The following STAB2 variants were observed in gnomAD, a reference collection of about 807,000 sequenced individuals.
STAB2 encodes the protein stabilin-2.
In STAB2, 288 loss-of-function variants were observed where a neutral mutation model predicts 338.1. That is an observed-to-expected ratio of 0.85 (90% CI 0.77 to 0.94). The LOEUF is 0.94. STAB2 is among the 40% of genes least tolerant of loss of function. STAB2 has a pLI of 0.00. For missense variants in STAB2, 3,141 were observed against 3,210.1 expected (o/e 0.98, Z 0.52); for synonymous variants, 1,202 against 1,193.3 (o/e 1.01, Z -0.15).
chr12:103,660,780 C>T lies in STAB2; in HGVS notation c.1869+17C>T. The T allele has an allele frequency of 6.2e-7, 1 of 1,611,950 alleles. No individual in the cohort carries two copies. The highest frequency in any genetic ancestry group is 1.1e-5 in the South Asian group (1 of 91,028). ...ACCGACAATGTAAGTGAAAACTCAA[C>T]CACCACCAGCATCACTTGAACACAT... On this transcript the variant is annotated intron_variant, in intron 17 of 68. Transcript: ENST00000388887.
At chr12:103,697,467 C>A (rs1289880075) in intron 33 of STAB2, among the ~76,000 whole-genome samples, 1 of 152,188 alleles carries the variant, frequency 6.6e-6, no homozygotes, top group African/African-American at 2.4e-5. Context: ...CTCTGCCTTC[C>A]CAAAAAGTCC....
In STAB2 at chr12:103,662,834, T is replaced by C; in HGVS notation, c.1870-12T>C. On this transcript the variant is annotated splice_polypyrimidine_tract_variant and intron_variant, in intron 17 of 68. Coordinates refer to ENST00000388887, the MANE Select transcript of STAB2 (RefSeq NM_017564.10). ...ATAGTACAGAATTAGAGATGTCATT[T>C]TTTCTTTCCAGGGACAGATTCTGGC... 2 of 1,613,970 alleles carry C rather than the reference T, an allele frequency of 1.2e-6. No individual in the cohort carries two copies. The highest frequency in any genetic ancestry group is 2.2e-5 in the South Asian group (2 of 90,994).
Position 103,703,271 on chromosome 12 carries a change from A to G in STAB2, c.3838A>G (p.Ile1280Val), listed in dbSNP as rs768370022. ...NRCDNNDTTI[I>V]RGRCRTCSSE... ...ATGTGATAATAATGACACTACTATT[A>G]TACGAGTAAGTTCTATGGGCCAGAG... The change falls in exon 35 of 69, where the codon ATA becomes GTA. Residue 1280 changes from isoleucine (I) to valine (V), a missense_variant. Ile to Val is a conservative substitution (Grantham distance 29, BLOSUM62 3). Coordinates refer to ENST00000388887, the MANE Select transcript of STAB2 (RefSeq NM_017564.10). 3.1e-6 allele frequency: 5 copies of G among 1,612,482 alleles called. No individual in the cohort carries two copies. Among genetic ancestry groups the G allele is most frequent in the Admixed American group, 1.7e-5 (1 of 59,966 alleles).
intron 17 of STAB2, among the ~76,000 whole-genome samples, chr12:103,662,037 T>C (rs973322799): frequency 5.3e-5 from 8 of 152,044 alleles, no homozygotes; most frequent in African/African-American, 1.9e-4. Flanking sequence ...GGTGAGGAGA[T>C]TTGATTGCAA....
intron 5 of STAB2, among the ~76,000 whole-genome samples, chr12:103,631,245 T>C (rs1027619491): frequency 4.6e-5 from 7 of 152,212 alleles, no homozygotes; most frequent in Non-Finnish European, 1.0e-4. Context: ...GTAGCTTTTC[T>C]CTTTTAAACG....
rs1044159730 is a variant in STAB2 at position 103,695,577 on chromosome 12, G to T, written c.3403G>T (p.Gly1135Cys). The T allele has an allele frequency of 1.2e-6, 2 of 1,614,024 alleles. No homozygotes were observed. Among genetic ancestry groups the T allele is most frequent in the African/African-American group, 2.7e-5 (2 of 74,910 alleles). ...GCTGGTCCCACAAAGACGTCTAACT[G>T]GCTCCTTACCAAACCTGCTCATGCG... ...KVLVPQRRLT[G>C]SLPNLLMRLE... Residue 1135 changes from glycine to cysteine, a missense_variant, in exon 32 of 69, where the codon GGC becomes TGC. By Grantham distance (159) the Gly-to-Cys change is radical. Coordinates refer to ENST00000388887, the MANE Select transcript of STAB2 (RefSeq NM_017564.10).
intron 48 of STAB2, among the ~76,000 whole-genome samples, chr12:103,729,436 A>C (rs552091098): frequency 7.2e-5 from 11 of 152,304 alleles, no homozygotes; most frequent in African/African-American, 2.4e-4. Flanking sequence ...ATAAGAAATA[A>C]TAATAACATA....
intron 3 of STAB2, among the ~76,000 whole-genome samples, chr12:103,613,105 G>A (rs1957152342): frequency 6.6e-6 from 1 of 152,202 alleles, no homozygotes; most frequent in African/African-American, 2.4e-5. Context: ...CTACTGGGTG[G>A]TGCCTCCCAG....
rs1395520597 is a variant in STAB2, at chr12:103,749,876, G to A, written c.6439-703G>A. On this transcript the variant is annotated intron_variant, in intron 59 of 68. Transcript: ENST00000388887. ...AAAAAAAAAAAAAAAAAAAAAAGCT[G>A]GTAAGATGTGGCAGGAAAAGTGCCG... Among the ~76,000 whole-genome samples, 3 of 109,846 alleles carry A rather than the reference G, an allele frequency of 2.7e-5. No individual in the cohort carries two copies. The East Asian group carries it at 8.4e-4, about 31-fold the overall frequency. 72.1% of individuals were successfully genotyped at this position (109,846 alleles called of 152,430 possible). A position where few individuals can be genotyped will look rare whatever the true frequency, so the allele number is the denominator to read the frequency against.
At chr12:103,612,064 T>A (rs1957132131) in intron 3 of STAB2, among the ~76,000 whole-genome samples, 1 of 152,270 alleles carries the variant, frequency 6.6e-6, no homozygotes, top group South Asian at 2.1e-4. Flanking sequence ...CCACTGTTAG[T>A]CTGATGGGCT....
At chr12:103,712,290 G>A in intron 40 of STAB2, 77 bp from the exon 41 acceptor site, 1 of 1,126,236 alleles carries the variant, frequency 8.9e-7, no homozygotes, top group Admixed American at 1.7e-5. Flanking sequence ...GATACTGAGG[G>A]TGAAGGGCAT....
chr12:103,705,875 T>A, intron 37 of STAB2, 148 bp downstream of exon 37: 2 of 746,428 alleles, frequency 2.7e-6, no homozygotes, highest in Non-Finnish European at 4.6e-6. Flanking sequence ...TCCAATGTAG[T>A]AGTGGTAGCA....
chr12:103,680,501 A>G (rs1165509944), intron 25 of STAB2, among the ~76,000 whole-genome samples: 1 of 152,188 alleles, frequency 6.6e-6, no homozygotes, highest in Non-Finnish European at 1.5e-5. Context: ...GGCCACTTCC[A>G]ATTTATACCA....
At chr12:103,662,387 G>T (rs1226784728) in intron 17 of STAB2, among the ~76,000 whole-genome samples, 1 of 151,984 alleles carries the variant, frequency 6.6e-6, no homozygotes, top group Non-Finnish European at 1.5e-5. Context: ...TTTGCTAATT[G>T]GTTCATTTTC....
intron 3 of STAB2, among the ~76,000 whole-genome samples, chr12:103,599,490 A>C (rs1211292581): frequency 6.6e-6 from 1 of 152,130 alleles, no homozygotes; most frequent in Non-Finnish European, 1.5e-5. Flanking sequence ...TTCCATTCCC[A>C]GCTTTATTCT....
chr12:103,670,900 C>A, intron 22 of STAB2, 93 bp downstream of exon 22: 1 of 1,026,192 alleles, frequency 9.7e-7, no homozygotes. Context: ...TGTCTCAGGA[C>A]CCCTTTGCTT....
At chr12:103,620,908 C>T (rs1430455352) in intron 4 of STAB2, among the ~76,000 whole-genome samples, 2 of 152,024 alleles carry the variant, frequency 1.3e-5, no homozygotes, top group Non-Finnish European at 2.9e-5. Context: ...ACCATCCTAG[C>T]CAGCATGGTG....
At chr12:103,702,005 CA>C (rs2138960462) in intron 34 of STAB2, among the ~76,000 whole-genome samples, 2 of 151,088 alleles carry the variant, frequency 1.3e-5, no homozygotes, top group African/African-American at 4.8e-5. Context: ...CACACACACA[CA>C]CACACACACA....
chr12:103,714,721 C>T (rs1170288467), intron 42 of STAB2, among the ~76,000 whole-genome samples: 2 of 150,694 alleles, frequency 1.3e-5, no homozygotes, highest in Admixed American at 6.6e-5. Context: ...CCCTGTTTAT[C>T]ATTTGCTCTC....
Sources: allele counts gnomAD v4.1 joint callset (sites outside exome capture counted in the v4.1 genomes callset), GRCh38; gene constraint gnomAD v4.1.1; transcripts MANE v1.5; gene names NCBI Gene and HGNC (gene_info 2026-07-23, HGNC 2026-07-21).